LRP1B: variants seen among roughly 807,000 people sequenced by gnomAD.
LRP1B encodes the protein LDL receptor related protein 1B, also known as low-density lipoprotein receptor-related protein 1B.
LRP1B carries 217 observed loss-of-function variants against 556.6 expected under a neutral mutation model. The observed-to-expected ratio is 0.39, with a 90% CI of 0.35 to 0.44. LRP1B has a LOEUF of 0.44. LRP1B is among the 20% of genes least tolerant of loss of function. The pLI, the probability that LRP1B is intolerant of heterozygous loss-of-function variation, is 1.00. For missense variants in LRP1B, 5,053 were observed against 5,620.8 expected (o/e 0.90, Z 3.23); for synonymous variants, 2,047 against 1,865.8 (o/e 1.10, Z -2.50).
intron 20 of LRP1B, among the ~76,000 whole-genome samples, chr2:140,925,053 C>G (rs926796518): frequency 5.9e-5 from 9 of 152,008 alleles, no homozygotes; most frequent in African/African-American, 2.2e-4. Flanking sequence ...ATCATATTTA[C>G]ATTGTATTAG....
chr2:140,770,149 GATA>G (rs950221126), intron 34 of LRP1B, among the ~76,000 whole-genome samples: 106 of 151,892 alleles, frequency 7.0e-4, no homozygotes, highest in African/African-American at 2.1e-3. Flanking sequence ...CTTAAATGGG[GATA>G]ATAAGAGAAC....
chr2:141,126,282 C>T (rs536338170), intron 7 of LRP1B, among the ~76,000 whole-genome samples: 1 of 152,240 alleles, frequency 6.6e-6, no homozygotes, highest in African/African-American at 2.4e-5. Context: ...GATGCACCCG[C>T]CTCGGACTCC....
rs2105421485 is a variant in LRP1B at position 140,700,532 on chromosome 2, C to G, written c.6517G>C (p.Gly2173Arg). 6.2e-7 allele frequency: 1 copy of G among 1,613,514 alleles called. No individual in the cohort carries two copies. Among genetic ancestry groups the G allele is most frequent in the African/African-American group, 1.3e-5 (1 of 74,982 alleles). ...NSRRTCACAH[G>R]YLAEDGVTCL... ...GTAACTCCATCTTCTGCCAAATATC[C>G]ATGGGCACAAGCACAAGTTCTCCGG... The change falls in exon 41 of 91, where the codon GGA becomes CGA. Residue 2173 changes from glycine (G) to arginine (R), a missense_variant. Physicochemically the swap from Gly to Arg is moderately radical, Grantham distance 125. Around this residue, in one of 5 missense-constraint regions of LRP1B, gnomAD observed 3,619 missense variants for 3,931.9 expected, o/e 0.92. Transcript: ENST00000389484.
chr2:140,392,932 C>CT (rs34357201), intron 66 of LRP1B, among the ~76,000 whole-genome samples: 16,444 of 144,090 alleles, frequency 0.11, 978 homozygotes, highest in Middle Eastern at 0.17. Context: ...TCATATATAA[C>CT]TTTTTTTTTT....
At chr2:140,668,398 CA>C (rs1374972724) in intron 41 of LRP1B, among the ~76,000 whole-genome samples, 6 of 140,188 alleles carry the variant, frequency 4.3e-5, no homozygotes, top group East Asian at 4.3e-4. Flanking sequence ...TTACTTCGGT[CA>C]TTTTTTTTGA....
At chr2:141,657,153 A>C (rs1690043158) in intron 2 of LRP1B, among the ~76,000 whole-genome samples, 1 of 152,136 alleles carries the variant, frequency 6.6e-6, no homozygotes, top group South Asian at 2.1e-4. Flanking sequence ...GTACATAATT[A>C]ACTGAAAGGA....
intron 66 of LRP1B, among the ~76,000 whole-genome samples, chr2:140,407,764 G>A (rs953551405): frequency 6.6e-6 from 1 of 152,004 alleles, no homozygotes; most frequent in Non-Finnish European, 1.5e-5. Flanking sequence ...TTGGAAAACG[G>A]TATGGAAATT....
intron 7 of LRP1B, among the ~76,000 whole-genome samples, chr2:141,118,156 T>G (rs1700952761): frequency 7.3e-6 from 1 of 137,562 alleles, no homozygotes. Context: ...AAGGTAAAGT[T>G]TTGATGCTTC....
At chr2:141,336,434 T>G (rs1687852979) in intron 3 of LRP1B, among the ~76,000 whole-genome samples, 1 of 152,218 alleles carries the variant, frequency 6.6e-6, no homozygotes, top group Non-Finnish European at 1.5e-5. Flanking sequence ...CTTAATCACC[T>G]AAGTCAGAAT....
At chr2:141,237,398 G>C (rs1366132917) in intron 5 of LRP1B, among the ~76,000 whole-genome samples, 1 of 149,060 alleles carries the variant, frequency 6.7e-6, no homozygotes, top group African/African-American at 2.5e-5. Context: ...TAGAGACGGG[G>C]TCTCACTATG....
intron 1 of LRP1B, among the ~76,000 whole-genome samples, chr2:141,940,722 A>G (rs1322069045): frequency 6.6e-6 from 1 of 152,202 alleles, no homozygotes; most frequent in East Asian, 1.9e-4. Context: ...ATCACTGGGA[A>G]TTGAAAATCT....
intron 3 of LRP1B, among the ~76,000 whole-genome samples, chr2:141,341,699 C>G (rs1432111557): frequency 6.6e-6 from 1 of 152,156 alleles, no homozygotes; most frequent in Non-Finnish European, 1.5e-5. Flanking sequence ...ATAATGTGAG[C>G]TTCTTCCAGG....
chr2:140,740,582 A>G (rs1180034726), intron 35 of LRP1B, among the ~76,000 whole-genome samples: 1 of 152,176 alleles, frequency 6.6e-6, no homozygotes, highest in Non-Finnish European at 1.5e-5. Context: ...TGATGGGTGC[A>G]CCAAAATCTC....
chr2:140,342,458 A>T (rs1681444350), intron 77 of LRP1B, among the ~76,000 whole-genome samples: 1 of 151,556 alleles, frequency 6.6e-6, no homozygotes, highest in Admixed American at 6.6e-5. Context: ...GCAATGCAAC[A>T]TCAATCTAAT....
intron 3 of LRP1B, among the ~76,000 whole-genome samples, chr2:141,301,723 C>T (rs1686402725): frequency 1.3e-5 from 2 of 152,172 alleles, no homozygotes; most frequent in Non-Finnish European, 2.9e-5. Flanking sequence ...GGGTATCCAT[C>T]ACATACATAC....
chr2:141,879,079 CAATAT>C (rs1413869053), intron 1 of LRP1B, among the ~76,000 whole-genome samples: 1 of 151,650 alleles, frequency 6.6e-6, no homozygotes, highest in Non-Finnish European at 1.5e-5. Flanking sequence ...TCAGTTCTTT[CAATAT>C]AATTATGATA....
chr2:141,292,344 G>A (rs868487334), intron 3 of LRP1B, among the ~76,000 whole-genome samples: 7 of 152,126 alleles, frequency 4.6e-5, no homozygotes, highest in African/African-American at 1.7e-4. Flanking sequence ...CATCTAGGGT[G>A]CAGAGATAAC....
chr2:140,413,987 C>T (rs1294237623), intron 66 of LRP1B, among the ~76,000 whole-genome samples: 2 of 152,154 alleles, frequency 1.3e-5, no homozygotes, highest in South Asian at 2.1e-4. Flanking sequence ...ATGCAATCAG[C>T]TCACTGCAAC....
At chr2:140,967,378 T>C (rs1337036666) in intron 18 of LRP1B, among the ~76,000 whole-genome samples, 16 of 151,466 alleles carry the variant, frequency 1.1e-4, no homozygotes, top group Non-Finnish European at 1.6e-4. Context: ...GTGATTTTTG[T>C]ACATTGATTT....
Sources: allele counts gnomAD v4.1 joint callset (sites outside exome capture counted in the v4.1 genomes callset), GRCh38; gene constraint gnomAD v4.1.1; regional missense constraint gnomAD v4.1.1; transcripts MANE v1.5; gene names NCBI Gene and HGNC (gene_info 2026-07-23, HGNC 2026-07-21).